Variants in POLR2B observed in about 807,000 individuals in gnomAD.
The protein encoded by POLR2B is DNA-directed RNA polymerase II subunit RPB2.
A neutral mutation model predicts 144.6 loss-of-function variants in POLR2B; 57 were observed. The ratio of observed to expected loss-of-function variants is 0.39; its 90% confidence interval spans 0.32 to 0.49. The LOEUF is 0.49. POLR2B is among the 20% of genes least tolerant of loss of function. POLR2B has a pLI of 0.83. For missense variants in POLR2B, 595 were observed against 1,467.4 expected, an observed-to-expected ratio of 0.41 and a Z score of 9.71; for synonymous variants, 442 against 469.8, an observed-to-expected ratio of 0.94 and a Z score of 0.77.
At chr4:57,026,097 G>A (rs574550623) in intron 23 of POLR2B, among the ~76,000 whole-genome samples, 1 of 152,204 alleles carries the variant, frequency 6.6e-6, no homozygotes, top group South Asian at 2.1e-4. Flanking sequence ...AATTAGTCGG[G>A]CATGGTGGCA....
chr4:56,987,320 G>A (rs183101775), intron 2 of POLR2B, among the ~76,000 whole-genome samples: 74 of 152,188 alleles, frequency 4.9e-4, no homozygotes, highest in African/African-American at 1.7e-3. Context: ...ATAAAATTAC[G>A]AGAAGCCTTG....
intron 24 of POLR2B, 21 bp downstream of exon 24, chr4:57,030,420 C>G (rs2109730088): frequency 6.4e-7 from 1 of 1,554,344 alleles, no homozygotes; most frequent in Non-Finnish European, 8.8e-7. Context: ...ACTTTACTGG[C>G]AGTTGATATT....
rs77137139 is a variant in POLR2B at position 56,988,728 on chromosome 4, T to A, written c.93-2020T>A. On this transcript the variant is annotated intron_variant, in intron 2 of 24. Transcript: ENST00000314595. The stretch of plus-strand genomic sequence containing the variant: ...ACAAATTGGCTGTAGAAGACTAAAC[T>A]TTACTGAGACAGTTACATCTTCTGT... Among the ~76,000 whole-genome samples the A allele has an allele frequency of 3.3e-3, 497 of 152,316 alleles. 3 individuals carry two copies. Among genetic ancestry groups the A allele is most frequent in the African/African-American group, 0.011 (471 of 41,574 alleles).
At position 57,015,598 on chromosome 4, in the gene POLR2B, C is replaced by A; in HGVS notation, c.1897C>A (p.Leu633Ile). Residue 633 changes from leucine to isoleucine, a missense_variant, in exon 14 of 25, where the codon CTA becomes ATA. Coordinates refer to ENST00000314595, the MANE Select transcript of POLR2B (RefSeq NM_000938.3). ...ACTTCTGATTGTGGAAAAACAAAAG[C>A]TACTTTTGAAGAAGAGGCATATTGA... ...RPLLIVEKQK[L>I]LLKKRHIDQL... The A allele has an allele frequency of 6.6e-7, 1 of 1,516,752 alleles. No homozygotes were observed. The highest frequency in any genetic ancestry group is 8.9e-7 in the Non-Finnish European group (1 of 1,121,090). 94.0% of individuals were successfully genotyped at this position (1,516,752 alleles called of 1,614,324 possible).
chr4:56,979,613 GT>G (rs1722090919), intron 1 of POLR2B, among the ~76,000 whole-genome samples: 1 of 152,146 alleles, frequency 6.6e-6, no homozygotes, highest in Non-Finnish European at 1.5e-5. Context: ...ATACCTGTTT[GT>G]TTGCGCATAT....
intron 6 of POLR2B, among the ~76,000 whole-genome samples, chr4:56,996,750 A>G (rs1051007767): frequency 1.3e-5 from 2 of 151,778 alleles, no homozygotes; most frequent in Non-Finnish European, 2.9e-5. Context: ...TGTGCACAAC[A>G]TTGCTGGGTA....
chr4:56,986,906 G>A (rs1257164121), intron 2 of POLR2B: 1 of 152,162 alleles, frequency 6.6e-6, no homozygotes, highest in African/African-American at 2.4e-5. Flanking sequence ...TTGTCCCACT[G>A]GTGTTTATAG....
At chr4:57,021,960 C>T (rs1459332642) in intron 17 of POLR2B, among the ~76,000 whole-genome samples, 192 bp from the exon 18 acceptor site, 2 of 152,160 alleles carry the variant, frequency 1.3e-5, no homozygotes, top group Non-Finnish European at 2.9e-5. Context: ...GGTTATGGGT[C>T]AGATGCTACA....
At position 57,017,450 on chromosome 4, in the gene POLR2B, G is replaced by GA. The variant is rs1388302423; in HGVS notation, c.2155-103dup. 1.2e-5 allele frequency: 12 copies of GA among 991,218 alleles called. No individual in the cohort carries two copies. In the African/African-American group the frequency reaches 1.3e-4, roughly 11 times the overall value. 61.4% of individuals were successfully genotyped at this position (991,218 alleles called of 1,614,324 possible). ...CAAATGGTTATTACTTACTGTTTTT[G>GA]AAAAAAATCAGGAGTTTTACCAATC... On this transcript the variant is annotated intron_variant, in intron 15 of 24. Transcript: ENST00000314595. The surrounding 1 kb of genome is among the most constrained non-coding windows in gnomAD (Gnocchi z 4.8).
In POLR2B at chr4:57,015,560, G is replaced by A. The variant is rs753852678; in HGVS notation, c.1859G>A (p.Arg620His). The A allele has an allele frequency of 6.0e-6, 9 of 1,494,974 alleles. No individual in the cohort carries two copies. In the South Asian group the frequency reaches 8.5e-5, roughly 14 times the overall value. 92.6% of individuals were successfully genotyped at this position (1,494,974 alleles called of 1,614,324 possible). ...REIRIYTDAG[R>H]ICRPLLIVEK... ...ATTCGGATCTATACGGATGCAGGCC[G>A]TATTTGTAGACCACTTCTGATTGTG... The change falls in exon 14 of 25, where the codon CGT becomes CAT. Residue 620 changes from arginine (R) to histidine (H), a missense_variant. Arg to His is a conservative substitution (Grantham distance 29, BLOSUM62 0). Around this residue, in one of 9 missense-constraint regions of POLR2B, gnomAD observed 59 missense variants for 84.2 expected, o/e 0.70. Transcript: ENST00000314595.
Position 57,031,156 on chromosome 4 carries a change from G to A in POLR2B, c.*168G>A. 1.4e-6 allele frequency: 1 copy of A among 736,374 alleles called. No individual in the cohort carries two copies. The highest frequency in any genetic ancestry group is 1.7e-5 in the South Asian group (1 of 59,982). 45.6% of individuals were successfully genotyped at this position (736,374 alleles called of 1,614,324 possible). On this transcript the variant is annotated 3_prime_UTR_variant, in exon 25 of 25. Coordinates refer to ENST00000314595, the MANE Select transcript of POLR2B (RefSeq NM_000938.3). ...AATATATAATAAATTTTTGTAGATA[G>A]TCTTGATGTGTGATCTTTATTTTGT...
chr4:56,987,319 C>T (rs935599370), intron 2 of POLR2B, among the ~76,000 whole-genome samples: 3 of 152,022 alleles, frequency 2.0e-5, no homozygotes, highest in East Asian at 1.9e-4. Flanking sequence ...AATAAAATTA[C>T]GAGAAGCCTT....
intron 9 of POLR2B, among the ~76,000 whole-genome samples, chr4:57,005,972 C>T (rs1044330960): frequency 6.6e-6 from 1 of 152,090 alleles, no homozygotes; most frequent in African/African-American, 2.4e-5. Flanking sequence ...TTTGAGAAAG[C>T]TGAATTATTG....
rs914832274 is a variant in POLR2B at position 57,014,593 on chromosome 4, C to G, written c.1801-909C>G. Among the ~76,000 whole-genome samples, 3 of 149,538 alleles carry G rather than the reference C, an allele frequency of 2.0e-5. No individual in the cohort carries two copies. In the Admixed American group the frequency reaches 2.0e-4, roughly 10 times the overall value. On this transcript the variant is annotated intron_variant, in intron 13 of 24. Coordinates refer to ENST00000314595, the MANE Select transcript of POLR2B (RefSeq NM_000938.3). Reference sequence around the variant, plus strand: ...TCTAGGCTCACTGCAAGCTCTGCCTCCCGGGTTCATGCCATTCTCCTGCCT... The same window carrying G: ...TCTAGGCTCACTGCAAGCTCTGCCTGCCGGGTTCATGCCATTCTCCTGCCT...
chr4:57,024,247 T>G (rs1197774222), intron 21 of POLR2B, 135 bp downstream of exon 21: 1 of 522,360 alleles, frequency 1.9e-6, no homozygotes, highest in East Asian at 3.4e-5. Context: ...GCTTTCAAAT[T>G]GCTTATGATT....
At chr4:56,999,491 A>G in intron 6 of POLR2B, 126 bp from the exon 7 acceptor site, 1 of 546,004 alleles carries the variant, frequency 1.8e-6, no homozygotes, top group Non-Finnish European at 3.1e-6. Flanking sequence ...TCCTCACAGT[A>G]TTGGGAGGCG....
At chr4:57,019,638 A>G (rs902371339) in intron 16 of POLR2B, among the ~76,000 whole-genome samples, 2 of 152,172 alleles carry the variant, frequency 1.3e-5, no homozygotes, top group African/African-American at 2.4e-5. Context: ...TTAATTCTTC[A>G]GTATGTGTTT....
chr4:56,982,464 C>T (rs368783709), intron 1 of POLR2B, among the ~76,000 whole-genome samples: 3 of 151,968 alleles, frequency 2.0e-5, no homozygotes, highest in African/African-American at 4.8e-5. Context: ...CCCAGCTCCT[C>T]GGGATACTGA....
At chr4:56,980,123 G>A (rs1722111052) in intron 1 of POLR2B, among the ~76,000 whole-genome samples, 1 of 146,670 alleles carries the variant, frequency 6.8e-6, no homozygotes, top group Non-Finnish European at 1.5e-5. Context: ...ATGGGGTCTG[G>A]CCATGTTGCC....
Sources: allele counts gnomAD v4.1 joint callset (sites outside exome capture counted in the v4.1 genomes callset), GRCh38; gene constraint gnomAD v4.1.1; regional missense constraint gnomAD v4.1.1; non-coding constraint Gnocchi (gnomAD v3.1); transcripts MANE v1.5; gene names NCBI Gene and HGNC (gene_info 2026-07-23, HGNC 2026-07-21).